Variants in ST6GALNAC1 observed in about 807,000 individuals in gnomAD.
The protein encoded by ST6GALNAC1 is alpha-N-acetylgalactosaminide alpha-2,6-sialyltransferase 1.
In ST6GALNAC1, 45 loss-of-function variants were observed where a neutral mutation model predicts 56.8. The observed-to-expected ratio is 0.79, with a 90% CI of 0.62 to 1.02. The LOEUF (loss-of-function observed/expected upper bound fraction) is 1.02. Among genes scored for constraint, ST6GALNAC1 ranks in the 50% least tolerant of loss-of-function variants. The pLI is 0.00. For missense variants in ST6GALNAC1, 743 were observed against 754.8 expected, an observed-to-expected ratio of 0.98 and a Z score of 0.18; for synonymous variants, 295 against 297.8, an observed-to-expected ratio of 0.99 and a Z score of 0.10.
chr17:76,630,888 A>ATT (rs939007475), intron 1 of ST6GALNAC1, among the ~76,000 whole-genome samples: 15 of 123,324 alleles, frequency 1.2e-4, no homozygotes, highest in Admixed American at 2.4e-4. Context: ...ACCGCGCCCA[A>ATT]TTTTTTTTTT....
chr17:76,627,473 C>G lies in ST6GALNAC1; in HGVS notation c.942G>C (p.Glu314Asp), dbSNP rs750758351. ...FLDSRHFNQSEWDRLEHFAPP... is the reference protein window; with the variant it reads ...FLDSRHFNQSDWDRLEHFAPP... Reference sequence around the variant, plus strand: ...GTGCAAAGTGTTCCAGGCGGTCCCACTCACTCTGGTTGAAGTGTCTGGAGT... The same window carrying G: ...GTGCAAAGTGTTCCAGGCGGTCCCAGTCACTCTGGTTGAAGTGTCTGGAGT... The change falls in exon 3 of 9, where the codon GAG becomes GAC. Residue 314 changes from glutamate to aspartate, a missense_variant. By Grantham distance (45) the Glu-to-Asp change is conservative. Coordinates refer to ENST00000156626, the MANE Select transcript of ST6GALNAC1 (RefSeq NM_018414.5). The surrounding 1 kb of genome is among the most constrained non-coding windows in gnomAD (Gnocchi z 4.4). The G allele has an allele frequency of 3.7e-6, 6 of 1,614,092 alleles. No individual in the cohort carries two copies. Among genetic ancestry groups the G allele is most frequent in the Non-Finnish European group, 5.1e-6 (6 of 1,179,942 alleles).
At chr17:76,618,439 A>G in the ST6GALNAC1 span, among the ~76,000 whole-genome samples, 2 of 152,162 alleles carry the variant, frequency 1.3e-5, no homozygotes. Flanking sequence ...AATTCGTGGT[A>G]AATGTGTATG....
Position 76,625,237 on chromosome 17 carries a change from C to T in ST6GALNAC1, c.*93G>A. On this transcript the variant is annotated 3_prime_UTR_variant, in exon 9 of 9. Coordinates refer to ENST00000156626, the MANE Select transcript of ST6GALNAC1 (RefSeq NM_018414.5). ...ACTCCTGAAGGGCTTGGAGCTTAGT[C>T]TGAGCCATGGGAAATGGCCAAAGAG... is the stretch of plus-strand genomic sequence containing the variant. 2.9e-6 allele frequency: 4 copies of T among 1,380,006 alleles called. No homozygotes were observed. The highest frequency in any genetic ancestry group is 3.0e-6 in the Non-Finnish European group (3 of 1,003,590). The allele number at this position is 1,380,006 out of a possible 1,614,324, so 85.5% of individuals were successfully genotyped here.
chr17:76,620,730 C>A (rs2075730812), downstream of ST6GALNAC1, among the ~76,000 whole-genome samples: 1 of 147,102 alleles, frequency 6.8e-6, no homozygotes, highest in Non-Finnish European at 1.5e-5. Context: ...CGTGTGCCAC[C>A]ATGCCCAGCT....
chr17:76,619,408 G>A, the ST6GALNAC1 span, among the ~76,000 whole-genome samples: 1 of 152,140 alleles, frequency 6.6e-6, no homozygotes, highest in Non-Finnish European at 1.5e-5. Flanking sequence ...TCTTTCTTTA[G>A]ATCTAAAACC....
chr17:76,634,897 AC>A (rs2075957786), intron 1 of ST6GALNAC1, among the ~76,000 whole-genome samples: 1 of 152,126 alleles, frequency 6.6e-6, no homozygotes, highest in African/African-American at 2.4e-5. Flanking sequence ...AAAAACAAAA[AC>A]AAAAAACAAA....
chr17:76,642,210 C>CTGCCTATCTATCTA (rs2076057971), intron 1 of ST6GALNAC1, among the ~76,000 whole-genome samples: 1 of 119,450 alleles, frequency 8.4e-6, no homozygotes, highest in Non-Finnish European at 1.7e-5. Flanking sequence ...CTCTCTCTCT[C>CTGCCTATCTATCTA]TCTATCTGCC....
intron 1 of ST6GALNAC1, among the ~76,000 whole-genome samples, 193 bp from the exon 2 acceptor site, chr17:76,629,904 C>T (rs758393014): frequency 6.6e-6 from 1 of 151,614 alleles, no homozygotes; most frequent in Non-Finnish European, 1.5e-5. Flanking sequence ...TGCCCCACCC[C>T]CCTGAGTAGC....
In ST6GALNAC1 at chr17:76,635,390, A is replaced by T. The variant is rs367651875; in HGVS notation, c.132-5679T>A. Among the ~76,000 whole-genome samples the T allele has an allele frequency of 6.6e-5, 10 of 152,224 alleles. No homozygotes were observed. In the East Asian group the frequency reaches 1.2e-3, roughly 18 times the overall value. ...TTAGATGTCCTACGCCTGTAATCCC[A>T]GCACTTTGGGAGGCTGAAGCAGGCG... On this transcript the variant is annotated intron_variant, in intron 1 of 8. Transcript: ENST00000156626.
chr17:76,621,178 C>CT (rs1421780876), downstream of ST6GALNAC1, among the ~76,000 whole-genome samples: 400 of 59,246 alleles, frequency 6.8e-3, 4 homozygotes, highest in Admixed American at 0.01. Context: ...TTCTTTCTTT[C>CT]TTTCTTTCTT....
intron 1 of ST6GALNAC1, among the ~76,000 whole-genome samples, chr17:76,636,415 G>T (rs1012676631): frequency 4.6e-5 from 7 of 151,988 alleles, no homozygotes; most frequent in African/African-American, 1.7e-4. Flanking sequence ...GAGAAGGAGG[G>T]ATCTGTGAGT....
At chr17:76,637,917 G>A (rs2075998907) in intron 1 of ST6GALNAC1, among the ~76,000 whole-genome samples, 1 of 152,044 alleles carries the variant, frequency 6.6e-6, no homozygotes, top group South Asian at 2.1e-4. Context: ...CTGGAAGCCA[G>A]TGCCCAGGTT....
chr17:76,619,470 G>T, the ST6GALNAC1 span, among the ~76,000 whole-genome samples: 1 of 152,154 alleles, frequency 6.6e-6, no homozygotes, highest in Non-Finnish European at 1.5e-5. Context: ...AGGGTTCATT[G>T]TTCATTATAG....
chr17:76,620,872 G>A (rs1429242220), downstream of ST6GALNAC1, among the ~76,000 whole-genome samples: 1 of 152,126 alleles, frequency 6.6e-6, no homozygotes. Flanking sequence ...TGGGATTACA[G>A]GCATGAGCCA....
In ST6GALNAC1 at chr17:76,629,247, C is replaced by G. The variant is rs2075856744; in HGVS notation, c.596G>C (p.Ser199Thr). ...TGTGGGAGCCAGCATTCTGTGCTGACTTTTGGGAATGAGCGTCTTGGCTGT... is the reference window on the plus strand; with the variant it reads ...TGTGGGAGCCAGCATTCTGTGCTGAGTTTTGGGAATGAGCGTCTTGGCTGT... ...ATTAKTLIPK[S>T]QHRMLAPTGA... Residue 199 changes from serine to threonine, a missense_variant, in exon 2 of 9, where the codon AGT becomes ACT. By Grantham distance (58) the Ser-to-Thr change is moderately conservative. Coordinates refer to ENST00000156626, the MANE Select transcript of ST6GALNAC1 (RefSeq NM_018414.5). The G allele has an allele frequency of 6.2e-7, 1 of 1,614,148 alleles. No individual in the cohort carries two copies. Among genetic ancestry groups the G allele is most frequent in the Non-Finnish European group, 8.5e-7 (1 of 1,180,030 alleles).
Position 76,627,035 on chromosome 17 carries a change from C to T in ST6GALNAC1, c.1172+32G>A. ...GGGGCTGGAGGGGGCAGGAGAGGGG[C>T]TGGAGAGGGAGCTTGGGTGGGGACA... On this transcript the variant is annotated intron_variant, in intron 4 of 8. Transcript: ENST00000156626. The surrounding 1 kb of genome is among the most constrained non-coding windows in gnomAD (Gnocchi z 4.4). 2 of 1,529,982 alleles carry T rather than the reference C, an allele frequency of 1.3e-6. No individual in the cohort carries two copies. The highest frequency in any genetic ancestry group is 1.8e-6 in the Non-Finnish European group (2 of 1,137,876). The allele number at this position is 1,529,982 out of a possible 1,614,324, so 94.8% of individuals were successfully genotyped here. A position where few individuals can be genotyped will look rare whatever the true frequency, so the allele number is the denominator to read the frequency against.
Position 76,625,474 on chromosome 17 carries a change from G to T in ST6GALNAC1, c.1659C>A (p.Tyr553Ter). The T allele has an allele frequency of 6.2e-7, 1 of 1,614,180 alleles. No individual in the cohort carries two copies. ...TEGHERFSDHYYDTSWKRLIF... is the reference protein window; with the variant it reads ...TEGHERFSDH ...TCAGCCGCTTCCATGATGTATCATA[G>T]TAGTGATCAGAAAAGCGCTCATGGC... is the stretch of plus-strand genomic sequence containing the variant. The change falls in exon 9 of 9, where the codon TAC (tyrosine) becomes TAA (stop). Residue 553 changes from tyrosine (Y) to a stop codon, truncating the protein, a stop_gained. Coordinates refer to ENST00000156626, the MANE Select transcript of ST6GALNAC1 (RefSeq NM_018414.5). LOFTEE classifies it low-confidence loss of function (END_TRUNC).
the ST6GALNAC1 span, among the ~76,000 whole-genome samples, chr17:76,617,523 G>T: frequency 6.6e-6 from 1 of 152,284 alleles, no homozygotes; most frequent in Non-Finnish European, 1.5e-5. Flanking sequence ...TATAGGATTT[G>T]GGGAAGGATG....
Position 76,639,905 on chromosome 17 carries a change from T to C in ST6GALNAC1, c.131+3603A>G, listed in dbSNP as rs966848123. Among the ~76,000 whole-genome samples, 3 of 151,820 alleles carry C rather than the reference T, an allele frequency of 2.0e-5. No individual in the cohort carries two copies. The South Asian group carries it at 6.2e-4, about 32-fold the overall frequency. On this transcript the variant is annotated intron_variant, in intron 1 of 8. Coordinates refer to ENST00000156626, the MANE Select transcript of ST6GALNAC1 (RefSeq NM_018414.5). Reference sequence around the variant, plus strand: ...TTTCAAGTCGTTAACTCCTCTGGTATGGTTACTTAAGTGAGCGCCTGTCTT... The same window carrying C: ...TTTCAAGTCGTTAACTCCTCTGGTACGGTTACTTAAGTGAGCGCCTGTCTT...
Sources: gnomAD v4.1 joint callset for allele counts (sites outside exome capture counted in the v4.1 genomes callset) on GRCh38, gnomAD v4.1.1 for gene constraint, Gnocchi (gnomAD v3.1) non-coding constraint, MANE v1.5 for transcripts, NCBI Gene and HGNC (gene_info 2026-07-23, HGNC 2026-07-21) for gene names.